The following PCDHGB7 variants were observed in gnomAD, a reference collection of about 807,000 sequenced individuals.
The protein encoded by PCDHGB7 is protocadherin gamma-B7.
In PCDHGB7, 37 loss-of-function variants were observed where a neutral mutation model predicts 61.4. The observed-to-expected ratio is 0.60, with a 90% CI of 0.46 to 0.79. The LOEUF (loss-of-function observed/expected upper bound fraction) is 0.79, where lower values mean the gene tolerates loss of function less well. Ranked by LOEUF, PCDHGB7 falls within the 30% of genes least tolerant of loss-of-function variation. The pLI, the probability that PCDHGB7 is intolerant of heterozygous loss-of-function variation, is 0.00. For missense variants in PCDHGB7, 1,166 were observed against 1,202.5 expected (o/e 0.97, Z 0.45); for synonymous variants, 464 against 503.5 (o/e 0.92, Z 1.05).
rs571233315 is a variant in PCDHGB7, at chr5:141,417,937, C to T, written c.78C>T (p.Tyr26=). 2 of 1,612,530 alleles carry T rather than the reference C, an allele frequency of 1.2e-6. No individual in the cohort carries two copies. Among genetic ancestry groups the T allele is most frequent in the South Asian group, 1.1e-5 (1 of 90,928 alleles). Residue 26 remains tyrosine, a synonymous_variant, in exon 1 of 4, where the codon TAC becomes TAT. Coordinates refer to ENST00000398594, the MANE Select transcript of PCDHGB7 (RefSeq NM_018927.4). The part of the protein sequence containing the change: ...VLFPLLLPLF[Y]PTLCEPIRYS... ...TTCCTTTGCTGCTGCCTTTGTTCTACCCCACGCTGTGTGAGCCGATCCGCT... is the reference window on the plus strand; with the variant it reads ...TTCCTTTGCTGCTGCCTTTGTTCTATCCCACGCTGTGTGAGCCGATCCGCT...
chr5:141,431,678 T>G lies in PCDHGB7; in HGVS notation c.2415+11404T>G. The G allele has an allele frequency of 6.2e-7, 1 of 1,614,084 alleles. No homozygotes were observed. Among genetic ancestry groups the G allele is most frequent in the Non-Finnish European group, 8.5e-7 (1 of 1,180,022 alleles). On this transcript the variant is annotated intron_variant, in intron 1 of 3. Transcript: ENST00000398594. This position sits in a 1 kb window ranked among gnomAD's most constrained non-coding sequence, Gnocchi z 4.8. ...AGGGACAATATCAACAATAGGGGAGTTGGACCACGAGGAGTCAGGATTCTA... is the reference window on the plus strand; with the variant it reads ...AGGGACAATATCAACAATAGGGGAGGTGGACCACGAGGAGTCAGGATTCTA...
In PCDHGB7 at chr5:141,485,470, T is replaced by C; in HGVS notation, c.2416-9337T>C. ...ACCGAGAGGCACTGTGTGGGCTCAG[T>C]GCCAGCTGCATCGTGCCCCTGGAGT... On this transcript the variant is annotated intron_variant, in intron 1 of 3. Coordinates refer to ENST00000398594, the MANE Select transcript of PCDHGB7 (RefSeq NM_018927.4). This position sits in a 1 kb window ranked among gnomAD's most constrained non-coding sequence, Gnocchi z 5.7. 1.9e-6 allele frequency: 3 copies of C among 1,614,110 alleles called. No individual in the cohort carries two copies. The highest frequency in any genetic ancestry group is 2.5e-6 in the Non-Finnish European group (3 of 1,180,002).
In PCDHGB7 at chr5:141,494,850, G is replaced by C. The variant is rs2099757124; in HGVS notation, c.2459G>C (p.Arg820Thr). 1.2e-6 allele frequency: 2 copies of C among 1,614,124 alleles called. No individual in the cohort carries two copies. The highest frequency in any genetic ancestry group is 1.7e-6 in the Non-Finnish European group (2 of 1,180,018). Reference protein sequence around the residue: ...NTDWRFSQAQRPGTSGSQNGD... With the variant: ...NTDWRFSQAQTPGTSGSQNGD... ...GACTGGCGTTTCTCTCAGGCCCAGA[G>C]ACCCGGCACCAGCGGGTAGGTGACT... is the stretch of plus-strand genomic sequence containing the variant. The change falls in exon 2 of 4, where the codon AGA becomes ACA. Residue 820 changes from arginine to threonine, a missense_variant. Physicochemically the swap from Arg to Thr is moderately conservative, Grantham distance 71. Transcript: ENST00000398594.
rs551129846 is a variant in PCDHGB7, at chr5:141,432,711, A to T, written c.2415+12437A>T. 5 of 1,613,944 alleles carry T rather than the reference A, an allele frequency of 3.1e-6. No individual in the cohort carries two copies. The Admixed American group carries it at 8.3e-5, about 27-fold the overall frequency. ...GTAGTGGCCGTCCAGGACCACGGCCAGCCCCCTCTCTCCGCCACTGTCACG... is the reference window on the plus strand; with the variant it reads ...GTAGTGGCCGTCCAGGACCACGGCCTGCCCCCTCTCTCCGCCACTGTCACG... On this transcript the variant is annotated intron_variant, in intron 1 of 3. Transcript: ENST00000398594. This position sits in a 1 kb window ranked among gnomAD's most constrained non-coding sequence, Gnocchi z 6.0.
intron 1 of PCDHGB7, chr5:141,433,013 AC>A: frequency 6.2e-7 from 1 of 1,614,018 alleles, no homozygotes; most frequent in Non-Finnish European, 8.5e-7. Flanking sequence ...TTTCCTGCAG[AC>A]CTATTCCCAC....
Position 141,489,752 on chromosome 5 carries a change from C to G in PCDHGB7, c.2416-5055C>G. ...GGCACCAATACTGTGAGCTTTTACA[C>G]TCTAAGCCCCAACAGCCACTTCTCT... On this transcript the variant is annotated intron_variant, in intron 1 of 3. Coordinates refer to ENST00000398594, the MANE Select transcript of PCDHGB7 (RefSeq NM_018927.4). This position sits in a 1 kb window ranked among gnomAD's most constrained non-coding sequence, Gnocchi z 4.5. The G allele has an allele frequency of 6.2e-7, 1 of 1,614,136 alleles. No individual in the cohort carries two copies. The highest frequency in any genetic ancestry group is 8.5e-7 in the Non-Finnish European group (1 of 1,179,972).
intron 1 of PCDHGB7, among the ~76,000 whole-genome samples, chr5:141,425,694 A>G (rs1006103007): frequency 6.6e-6 from 1 of 152,240 alleles, no homozygotes; most frequent in Non-Finnish European, 1.5e-5. Context: ...ATATCATTTC[A>G]TAGTGGTCAA....
rs2097542578 is a variant in PCDHGB7 at position 141,432,849 on chromosome 5, T to C, written c.2415+12575T>C. On this transcript the variant is annotated intron_variant, in intron 1 of 3. Coordinates refer to ENST00000398594, the MANE Select transcript of PCDHGB7 (RefSeq NM_018927.4). The surrounding 1 kb of genome is among the most constrained non-coding windows in gnomAD (Gnocchi z 6.0). ...CTCACTCTGTACCTGGTGGTAGCGG[T>C]GGCCGCGGTCTCCTGCGTCTTCCTG... 2 of 1,614,076 alleles carry C rather than the reference T, an allele frequency of 1.2e-6. No individual in the cohort carries two copies. Among genetic ancestry groups the C allele is most frequent in the South Asian group, 1.1e-5 (1 of 91,096 alleles).
intron 1 of PCDHGB7, chr5:141,478,533 C>G: frequency 6.2e-7 from 1 of 1,608,070 alleles, no homozygotes; most frequent in African/African-American, 1.3e-5. Context: ...GCAGAGAGCG[C>G]CCCTCCCGGA....
chr5:141,503,598 CAAAA>C (rs765754054), intron 2 of PCDHGB7, among the ~76,000 whole-genome samples: 2 of 65,756 alleles, frequency 3.0e-5, no homozygotes. Flanking sequence ...GACTCCAGCT[CAAAA>C]AAAAAAAAAA....
intron 1 of PCDHGB7, among the ~76,000 whole-genome samples, chr5:141,425,048 T>C (rs1590618422): frequency 6.6e-6 from 1 of 152,350 alleles, no homozygotes; most frequent in African/African-American, 2.4e-5. Flanking sequence ...AAACTGACTA[T>C]CTAGGGCTCG....
rs35821115 is a variant in PCDHGB7, at chr5:141,460,961, ATGTG to A, written c.2416-33826_2416-33823del. 3.6e-3 allele frequency among the ~76,000 whole-genome samples: 519 copies of A among 144,600 alleles called. 3 individuals carry two copies. The highest frequency in any genetic ancestry group is 4.3e-3 in the African/African-American group (168 of 38,712). The allele number at this position is 144,600 out of a possible 152,430, so 94.9% of individuals were successfully genotyped here. A position where few individuals can be genotyped will look rare whatever the true frequency, so the allele number is the denominator to read the frequency against. ...ATATATATGTATTATGTATATATAT[ATGTG>A]TGTGTGTGTGTGTGTGTGTATATAT... On this transcript the variant is annotated intron_variant, in intron 1 of 3. Transcript: ENST00000398594.
chr5:141,510,893 G>C (rs1334514746), intron 3 of PCDHGB7, 54 bp from the exon 4 acceptor site: 1 of 1,612,722 alleles, frequency 6.2e-7, no homozygotes, highest in African/African-American at 1.3e-5. Context: ...ATAAGACAGT[G>C]ACTGTTGAGG....
At chr5:141,428,613 C>T (rs1247239314) in intron 1 of PCDHGB7, 1 of 212,608 alleles carries the variant, frequency 4.7e-6, no homozygotes, top group African/African-American at 2.3e-5. Flanking sequence ...AAGAGAATAA[C>T]AAGATAAGCT....
Position 141,419,497 on chromosome 5 carries a change from G to T in PCDHGB7, c.1638G>T (p.Val546=), listed in dbSNP as rs1357823931. The change falls in exon 1 of 4, where the codon GTG becomes GTT. Residue 546 remains valine (V), a synonymous_variant. Coordinates refer to ENST00000398594, the MANE Select transcript of PCDHGB7 (RefSeq NM_018927.4). The stretch of plus-strand genomic sequence containing the variant: ...GCTCGCCCGCGCTCAGCGCCAATGT[G>T]AGCCTGCGCGTGTTGGTGGGCGACC... ...DQGSPALSAN[V]SLRVLVGDRN... is the part of the protein sequence containing the mutation. 9.9e-6 allele frequency: 16 copies of T among 1,612,390 alleles called. No homozygotes were observed. The highest frequency in any genetic ancestry group is 1.4e-5 in the Non-Finnish European group (16 of 1,179,504).
chr5:141,447,312 G>C (rs2098534178), intron 1 of PCDHGB7, among the ~76,000 whole-genome samples: 2 of 151,918 alleles, frequency 1.3e-5, no homozygotes, highest in African/African-American at 2.4e-5. Flanking sequence ...GCTAATTTTT[G>C]TATTTTTAGT....
intron 1 of PCDHGB7, among the ~76,000 whole-genome samples, chr5:141,472,967 C>G (rs1040253926): frequency 1.7e-5 from 1 of 58,336 alleles, no homozygotes; most frequent in South Asian, 5.1e-4. Flanking sequence ...GCCTGGGGAA[C>G]AAGAGTGAAA....
intron 1 of PCDHGB7, among the ~76,000 whole-genome samples, chr5:141,438,636 ACACACAC>A: frequency 3.9e-5 from 1 of 25,700 alleles, no homozygotes; most frequent in African/African-American, 1.5e-4. Flanking sequence ...ATATATATAT[ACACACAC>A]ACACACACAT....
intron 3 of PCDHGB7, among the ~76,000 whole-genome samples, chr5:141,506,138 G>T (rs983643755): frequency 6.6e-6 from 1 of 152,134 alleles, no homozygotes; most frequent in African/African-American, 2.4e-5. Flanking sequence ...AGGAGAAGAA[G>T]AATATCATTT....
Sources: allele counts gnomAD v4.1 joint callset (sites outside exome capture counted in the v4.1 genomes callset), GRCh38; gene constraint gnomAD v4.1.1; non-coding constraint Gnocchi (gnomAD v3.1); transcripts MANE v1.5; gene names NCBI Gene and HGNC (gene_info 2026-07-23, HGNC 2026-07-21).